Variants in TBC1D32 observed in about 807,000 individuals in gnomAD.
The protein encoded by TBC1D32 is protein broad-minded.
In TBC1D32, 151 loss-of-function variants were observed where a neutral mutation model predicts 170.3. The observed-to-expected ratio is 0.89, with a 90% confidence interval of 0.78 to 1.01. The LOEUF is 1.01. Among genes scored for constraint, TBC1D32 ranks in the 50% least tolerant of loss-of-function variants. The pLI, the probability that TBC1D32 is intolerant of heterozygous loss-of-function variation, is 0.00. For missense variants in TBC1D32, 1,464 were observed against 1,457.1 expected, an observed-to-expected ratio of 1.00 and a Z score of -0.08; for synonymous variants, 498 against 488.0, an observed-to-expected ratio of 1.02 and a Z score of -0.27.
chr6:121,191,515 T>C (rs560750888), intron 22 of TBC1D32, among the ~76,000 whole-genome samples: 1 of 152,220 alleles, frequency 6.6e-6, no homozygotes, highest in South Asian at 2.1e-4. Flanking sequence ...GCCGATAAAA[T>C]TGTGTAAGAA....
chr6:121,241,149 T>G (rs1796935112), intron 19 of TBC1D32, among the ~76,000 whole-genome samples: 2 of 152,152 alleles, frequency 1.3e-5, no homozygotes, highest in African/African-American at 4.8e-5. Context: ...GAAGATGATA[T>G]TCTTCTGATT....
chr6:121,217,664 G>A (rs1452344717), intron 21 of TBC1D32, among the ~76,000 whole-genome samples: 4 of 152,130 alleles, frequency 2.6e-5, no homozygotes, highest in African/African-American at 9.7e-5. Context: ...GTGGAGAAGG[G>A]AGAGGAACAG....
At chr6:121,290,823 A>T (rs1485331378) in intron 12 of TBC1D32, among the ~76,000 whole-genome samples, 2 of 152,144 alleles carry the variant, frequency 1.3e-5, no homozygotes, top group Non-Finnish European at 2.9e-5. Context: ...TGCAGCCATA[A>T]AAAATGATGA....
chr6:121,168,461 A>G (rs1368252106), intron 22 of TBC1D32, among the ~76,000 whole-genome samples: 1 of 92,468 alleles, frequency 1.1e-5, no homozygotes, highest in Non-Finnish European at 2.3e-5. Flanking sequence ...CTATCACAAG[A>G]ACAAAAAACC....
At chr6:121,203,909 A>G (rs1205335695) in intron 22 of TBC1D32, among the ~76,000 whole-genome samples, 2 of 151,304 alleles carry the variant, frequency 1.3e-5, no homozygotes, top group African/African-American at 2.5e-5. Flanking sequence ...TGCTTTTTAT[A>G]TAACTTAATA....
intron 22 of TBC1D32, among the ~76,000 whole-genome samples, chr6:121,190,319 CCCT>C (rs1483324267): frequency 1.4e-5 from 2 of 147,296 alleles, no homozygotes; most frequent in African/African-American, 5.0e-5. Context: ...CTCCCATGCT[CCCT>C]CCTCCTCCTC....
chr6:121,273,237 A>G (rs534246604), intron 15 of TBC1D32, among the ~76,000 whole-genome samples: 1 of 151,762 alleles, frequency 6.6e-6, no homozygotes, highest in East Asian at 2.0e-4. Flanking sequence ...CTGCACATGT[A>G]CCCTAGAACT....
At chr6:121,316,970 T>C (rs1285582935) in intron 3 of TBC1D32, among the ~76,000 whole-genome samples, 1 of 152,288 alleles carries the variant, frequency 6.6e-6, no homozygotes, top group East Asian at 1.9e-4. Flanking sequence ...ATCCAGCCAC[T>C]GGCCCATCTT....
intron 22 of TBC1D32, among the ~76,000 whole-genome samples, chr6:121,190,816 A>C (rs1028731938): frequency 2.6e-5 from 4 of 152,176 alleles, no homozygotes; most frequent in African/African-American, 9.6e-5. Flanking sequence ...GTTTAGTGTT[A>C]GCTTTCTATC....
At chr6:121,182,824 T>A (rs1333414318) in intron 22 of TBC1D32, among the ~76,000 whole-genome samples, 1 of 151,956 alleles carries the variant, frequency 6.6e-6, no homozygotes, top group Non-Finnish European at 1.5e-5. Flanking sequence ...CAGGTATGTA[T>A]TTCACATATA....
chr6:121,090,377 T>C (rs1313598877), intron 31 of TBC1D32, among the ~76,000 whole-genome samples: 1 of 152,190 alleles, frequency 6.6e-6, no homozygotes, highest in Admixed American at 6.5e-5. Context: ...TATATCTTTT[T>C]TAAAAATAGC....
intron 20 of TBC1D32, among the ~76,000 whole-genome samples, chr6:121,237,361 T>C (rs1327805352): frequency 6.6e-6 from 1 of 151,968 alleles, no homozygotes; most frequent in East Asian, 1.9e-4. Flanking sequence ...AGCCTTAGTG[T>C]AGTTTCCTTT....
chr6:121,082,036 G>A (rs1217917225), intron 31 of TBC1D32, among the ~76,000 whole-genome samples: 1 of 152,016 alleles, frequency 6.6e-6, no homozygotes, highest in Non-Finnish European at 1.5e-5. Flanking sequence ...TCCAATGTAA[G>A]TATCTGAGCT....
chr6:121,310,834 C>A lies in TBC1D32; in HGVS notation c.509G>T (p.Cys170Phe). 2 of 1,586,214 alleles carry A rather than the reference C, an allele frequency of 1.3e-6. No homozygotes were observed. Among genetic ancestry groups the A allele is most frequent in the Non-Finnish European group, 1.7e-6 (2 of 1,159,774 alleles). The change falls in exon 4 of 32, where the codon TGT becomes TTT. Residue 170 changes from cysteine to phenylalanine, a missense_variant. Around this residue, in one of 3 missense-constraint regions of TBC1D32, gnomAD observed 1,363 missense variants for 1,338.1 expected, o/e 1.02. Transcript: ENST00000398212. ...TAAAATCAATTGTAATTTTCCTTGA[C>A]AAAATTTGTAACTCTGTAACACAAT... ...DSSLNQSYKF[C>F]QGKLQLILDQ...
intron 26 of TBC1D32, among the ~76,000 whole-genome samples, chr6:121,125,357 G>C (rs539982689): frequency 6.6e-6 from 1 of 152,292 alleles, no homozygotes; most frequent in East Asian, 1.9e-4. Flanking sequence ...AGGAACTCTG[G>C]CCAGGAATCA....
chr6:121,334,568 C>G, upstream of TBC1D32: 1 of 1,020,836 alleles, frequency 9.8e-7, no homozygotes, highest in Non-Finnish European at 1.4e-6. Flanking sequence ...AGCGCCTGTG[C>G]CTGCGCCCTC....
rs537155382 is a variant in TBC1D32, at chr6:121,276,298, A to T, written c.1733+2823T>A. On this transcript the variant is annotated intron_variant, in intron 15 of 31. Coordinates refer to ENST00000398212, the MANE Select transcript of TBC1D32 (RefSeq NM_152730.6). ...ACTTCTTATAAGGTCATTGCGCTAG[A>T]TGTTAAGTGATACAGTGTTATTTGA... 2.4e-3 allele frequency among the ~76,000 whole-genome samples: 371 copies of T among 152,282 alleles called. 2 individuals are homozygous for T. Among genetic ancestry groups the T allele is most frequent in the African/African-American group, 8.5e-3 (354 of 41,564 alleles).
intron 22 of TBC1D32, among the ~76,000 whole-genome samples, chr6:121,196,332 C>A (rs1406206391): frequency 6.6e-6 from 1 of 152,120 alleles, no homozygotes; most frequent in Non-Finnish European, 1.5e-5. Flanking sequence ...CTGCTGAGTG[C>A]CCAATTTGCC....
intron 15 of TBC1D32, among the ~76,000 whole-genome samples, chr6:121,257,411 A>G (rs1300312610): frequency 2.6e-5 from 4 of 152,098 alleles, no homozygotes; most frequent in Non-Finnish European, 4.4e-5. Flanking sequence ...CCTTTCACCT[A>G]ATGATTTTAG....
Sources: allele counts gnomAD v4.1 joint callset (sites outside exome capture counted in the v4.1 genomes callset), GRCh38; gene constraint gnomAD v4.1.1; regional missense constraint gnomAD v4.1.1; transcripts MANE v1.5; gene names NCBI Gene and HGNC (gene_info 2026-07-23, HGNC 2026-07-21).